NBN: variants seen among roughly 807,000 people sequenced by gnomAD.
NBN encodes Nijmegen breakage syndrome 1 (nibrin).
A neutral mutation model predicts 90.8 loss-of-function variants in NBN; 88 were observed. The observed-to-expected ratio is 0.97, with a 90% CI of 0.82 to 1.16. The LOEUF is 1.16. Ranked by LOEUF, NBN falls within the 50% of genes most tolerant of loss-of-function variation. The pLI, the probability that NBN is intolerant of heterozygous loss-of-function variation, is 0.00. For missense variants in NBN, 894 were observed against 869.6 expected, an observed-to-expected ratio of 1.03 and a Z score of -0.35; for synonymous variants, 328 against 295.1, an observed-to-expected ratio of 1.11 and a Z score of -1.14.
chr8:89,981,487 C>G lies in NBN; in HGVS notation c.208G>C (p.Asp70His), dbSNP rs560337591. The G allele has an allele frequency of 2.5e-6, 4 of 1,613,418 alleles. No individual in the cohort carries two copies. The South Asian group carries it at 4.4e-5, about 18-fold the overall frequency. The change falls in exon 3 of 16, where the codon GAT becomes CAT. Residue 70 changes from aspartate (D) to histidine (H), a missense_variant. Transcript: ENST00000265433. ...ACAAAGGTACCATACTTAGAATTAT[C>G]TTTTAATGTCAATACAGGGATTTCA... ...TDEIPVLTLK[D>H]NSKYGTFVNE...
Position 89,982,605 on chromosome 8 carries a change from T to C in NBN, c.171+117A>G, listed in dbSNP as rs989434129. The stretch of plus-strand genomic sequence containing the variant: ...TAATTTTGTTAACATTAAAAAAGTC[T>C]ACACAGCTCTATAAAATGACAAATC... On this transcript the variant is annotated intron_variant, in intron 2 of 15. Transcript: ENST00000265433. 7.4e-6 allele frequency: 7 copies of C among 947,864 alleles called. No individual in the cohort carries two copies. In the Admixed American group the frequency reaches 8.7e-5, roughly 12 times the overall value. 58.7% of individuals were successfully genotyped at this position (947,864 alleles called of 1,614,324 possible). A position where few individuals can be genotyped will look rare whatever the true frequency, so the allele number is the denominator to read the frequency against.
chr8:89,948,074 G>A (rs906750606), intron 11 of NBN, among the ~76,000 whole-genome samples, 182 bp from the exon 12 acceptor site: 6 of 152,070 alleles, frequency 3.9e-5, no homozygotes, highest in African/African-American at 1.4e-4. Context: ...GAAATTATGA[G>A]ATGAAAATAT....
chr8:89,961,176 G>A (rs773267222), intron 8 of NBN, among the ~76,000 whole-genome samples: 2 of 152,148 alleles, frequency 1.3e-5, no homozygotes, highest in African/African-American at 2.4e-5. Context: ...TTAATAGAAC[G>A]ATTAGATGAT....
At chr8:89,965,490 T>A (rs913903078) in intron 7 of NBN, among the ~76,000 whole-genome samples, 4 of 144,036 alleles carry the variant, frequency 2.8e-5, no homozygotes, top group Non-Finnish European at 4.6e-5. Context: ...ATTGTAAAGA[T>A]TTTTTTTTTT....
At position 89,955,325 on chromosome 8, in the gene NBN, G is replaced by A. The variant is rs1810650900; in HGVS notation, c.1355C>T (p.Thr452Ile). Reference sequence around the variant, plus strand: ...CTGAAAGTAGTTTCTGATGGAGTTGGTCTGCTGCTGCTGAGAAGCCCTATC... The same window carrying A: ...CTGAAAGTAGTTTCTGATGGAGTTGATCTGCTGCTGCTGAGAAGCCCTATC... ...SKDRASQQQQ[T>I]NSIRNYFQPS... The change falls in exon 10 of 16, where the codon ACC (threonine) becomes ATC (isoleucine). Residue 452 changes from threonine to isoleucine, a missense_variant. Transcript: ENST00000265433. 1.2e-6 allele frequency: 2 copies of A among 1,613,754 alleles called. No individual in the cohort carries two copies. Among genetic ancestry groups the A allele is most frequent in the Non-Finnish European group, 1.7e-6 (2 of 1,179,800 alleles).
Position 89,953,166 on chromosome 8 carries a change from T to A in NBN, c.1845+78A>T. The A allele has an allele frequency of 5.7e-6, 6 of 1,045,378 alleles. No homozygotes were observed. In the South Asian group the frequency reaches 7.6e-5, roughly 13 times the overall value. 64.8% of individuals were successfully genotyped at this position (1,045,378 alleles called of 1,614,324 possible). A position where few individuals can be genotyped will look rare whatever the true frequency, so the allele number is the denominator to read the frequency against. ...TAAAGACATTAATGGATGCTCATACTGTCAATACAAAATCGAAAGTACCTG... is the reference window on the plus strand; with the variant it reads ...TAAAGACATTAATGGATGCTCATACAGTCAATACAAAATCGAAAGTACCTG... On this transcript the variant is annotated intron_variant, in intron 11 of 15. Coordinates refer to ENST00000265433, the MANE Select transcript of NBN (RefSeq NM_002485.5).
chr8:89,940,577 TTACTC>T (rs2130748249), intron 14 of NBN, among the ~76,000 whole-genome samples: 1 of 151,880 alleles, frequency 6.6e-6, no homozygotes, highest in African/African-American at 2.4e-5. Flanking sequence ...ACATTTCCCT[TTACTC>T]AAGTGAAGGC....
At chr8:89,981,979 A>G (rs1412673382) in intron 2 of NBN, 1 of 1,214,758 alleles carries the variant, frequency 8.2e-7, no homozygotes, top group East Asian at 4.6e-5. Context: ...TTTCTGTAGA[A>G]ATTTCCAAAA....
chr8:89,945,255 G>A (rs1430693706), intron 13 of NBN, among the ~76,000 whole-genome samples: 1 of 152,148 alleles, frequency 6.6e-6, no homozygotes, highest in Non-Finnish European at 1.5e-5. Context: ...TATAGGGTGA[G>A]AAAAAGTGGT....
rs756023239 is a variant in NBN at position 89,958,826 on chromosome 8, G to C, written c.1023C>G (p.Ser341Arg). 6.2e-6 allele frequency: 10 copies of C among 1,613,704 alleles called. No homozygotes were observed. In the East Asian group the frequency reaches 1.8e-4, roughly 29 times the overall value. The change falls in exon 9 of 16, where the codon AGC becomes AGG. Residue 341 changes from serine (S) to arginine (R), a missense_variant. Coordinates refer to ENST00000265433, the MANE Select transcript of NBN (RefSeq NM_002485.5). The stretch of plus-strand genomic sequence containing the variant: ...CATCAACTGACACGCCTTGTGAAAG[G>C]CTTGGTCCTGGAGTTGTTGTCTTTA... ...TGLKTTTPGP[S>R]LSQGVSVDEK... is the part of the protein sequence containing the mutation.
chr8:89,984,379 G>T, intron 1 of NBN, 146 bp downstream of exon 1: 1 of 758,416 alleles, frequency 1.3e-6, no homozygotes, highest in Non-Finnish European at 2.3e-6. Context: ...ATATGCGCTT[G>T]CCATACAGCG....
intron 9 of NBN, 54 bp downstream of exon 9, chr8:89,958,671 C>A: frequency 6.3e-7 from 1 of 1,576,336 alleles, no homozygotes; most frequent in South Asian, 1.1e-5. Context: ...CCTGAATATA[C>A]TATTAATTTA....
At chr8:89,953,866 A>T (rs981322856) in intron 10 of NBN, 175 bp from the exon 11 acceptor site, 1 of 172,932 alleles carries the variant, frequency 5.8e-6, no homozygotes, top group African/African-American at 2.4e-5. Context: ...CAGAACTCAC[A>T]TACATTCTGC....
At chr8:89,946,519 T>TA in intron 12 of NBN, 1 of 481,340 alleles carries the variant, frequency 2.1e-6, no homozygotes, top group Non-Finnish European at 3.7e-6. Flanking sequence ...ATTTATAACA[T>TA]ACTCATCTGT....
At chr8:89,980,333 A>G (rs1386780708) in intron 4 of NBN, among the ~76,000 whole-genome samples, 1 of 152,182 alleles carries the variant, frequency 6.6e-6, no homozygotes, top group Admixed American at 6.5e-5. Flanking sequence ...AAAGGAGATG[A>G]ATCACCTGGA....
At chr8:89,951,238 G>C (rs1810432818) in intron 11 of NBN, among the ~76,000 whole-genome samples, 1 of 151,020 alleles carries the variant, frequency 6.6e-6, no homozygotes, top group South Asian at 2.1e-4. Flanking sequence ...CGTGAACCCG[G>C]GAGGCGGAGC....
intron 11 of NBN, among the ~76,000 whole-genome samples, chr8:89,952,641 G>T (rs188289302): frequency 1.1e-4 from 16 of 152,232 alleles, no homozygotes; most frequent in African/African-American, 3.1e-4. Flanking sequence ...TGAATGAGTG[G>T]AGCTAATGAA....
At chr8:89,939,203 G>A (rs925753132) in intron 14 of NBN, among the ~76,000 whole-genome samples, 4 of 151,778 alleles carry the variant, frequency 2.6e-5, no homozygotes, top group African/African-American at 9.7e-5. Flanking sequence ...AGAGAAAGAA[G>A]GGATGAAAAA....
Position 89,940,678 on chromosome 8 carries a change from C to T in NBN, c.2184+2575G>A, listed in dbSNP as rs1452012561. 4.1e-5 allele frequency among the ~76,000 whole-genome samples: 6 copies of T among 145,490 alleles called. No homozygotes were observed. The East Asian group carries it at 1.2e-3, about 29-fold the overall frequency. Reference sequence around the variant, plus strand: ...GAACATGCAAAAAACAGATAAAGAACCTAATCTGCAGGAAATAATAATCCA... The same window carrying T: ...GAACATGCAAAAAACAGATAAAGAATCTAATCTGCAGGAAATAATAATCCA... On this transcript the variant is annotated intron_variant, in intron 14 of 15. Coordinates refer to ENST00000265433, the MANE Select transcript of NBN (RefSeq NM_002485.5).
Sources: gnomAD v4.1 joint callset for allele counts (sites outside exome capture counted in the v4.1 genomes callset) on GRCh38, gnomAD v4.1.1 for gene constraint, MANE v1.5 for transcripts, NCBI Gene and HGNC (gene_info 2026-07-23, HGNC 2026-07-21) for gene names.